The following NREP variants were observed in gnomAD, a reference collection of about 807,000 sequenced individuals.
The protein encoded by NREP is neuronal regeneration-related protein.
NREP carries 5 observed loss-of-function variants against 8.6 expected under a neutral mutation model. The observed-to-expected ratio is 0.58, with a 90% CI of 0.30 to 1.22. The LOEUF is 1.22. NREP is among the 50% of genes most tolerant of loss of function. The pLI is 0.07. For synonymous variants in NREP, 27 were observed against 28.0 expected, an observed-to-expected ratio of 0.96 and a Z score of 0.11; for missense variants, 86 against 82.5, an observed-to-expected ratio of 1.04 and a Z score of -0.17.
At chr5:111,729,237 G>A (rs529170375), downstream of NREP, 1 of 152,212 alleles carries the variant, frequency 6.6e-6, no homozygotes, top group Non-Finnish European at 1.5e-5. Context: ...GGAAACACAT[G>A]AATTAGCAAG....
intron 2 of NREP, among the ~76,000 whole-genome samples, chr5:111,964,854 G>GAAAAAAA: frequency 4.2e-5 from 1 of 23,904 alleles, no homozygotes; most frequent in East Asian, 2.1e-3. Flanking sequence ...GCTTTCAGCA[G>GAAAAAAA]CAAAAAAAAA....
chr5:111,781,941 T>C (rs1046344065), intron 2 of NREP, among the ~76,000 whole-genome samples: 1 of 152,200 alleles, frequency 6.6e-6, no homozygotes, highest in Non-Finnish European at 1.5e-5. Context: ...AACCATGTGA[T>C]TAAAAATTTA....
intron 2 of NREP, among the ~76,000 whole-genome samples, chr5:111,829,196 C>T (rs1752702866): frequency 6.6e-6 from 1 of 152,116 alleles, no homozygotes. Context: ...CCGTGTTCAA[C>T]TTGTGAAGGA....
At chr5:111,846,723 G>C (rs1225888661) in intron 2 of NREP, among the ~76,000 whole-genome samples, 1 of 151,922 alleles carries the variant, frequency 6.6e-6, no homozygotes, top group Non-Finnish European at 1.5e-5. Context: ...ACTATGCTCT[G>C]CATCTGTCTG....
intron 2 of NREP, among the ~76,000 whole-genome samples, chr5:111,790,993 T>C (rs1424752299): frequency 6.6e-6 from 1 of 152,182 alleles, no homozygotes; most frequent in Non-Finnish European, 1.5e-5. Context: ...TTGGAATATG[T>C]GCAGGGTGGG....
intron 2 of NREP, among the ~76,000 whole-genome samples, chr5:111,852,600 G>A (rs1250066964): frequency 6.6e-6 from 1 of 152,114 alleles, no homozygotes; most frequent in Non-Finnish European, 1.5e-5. Context: ...CGGGAGTCCT[G>A]GGTTTTAGTT....
At chr5:111,906,887 C>A (rs1457586763) in intron 2 of NREP, among the ~76,000 whole-genome samples, 3 of 151,766 alleles carry the variant, frequency 2.0e-5, no homozygotes, top group Non-Finnish European at 4.4e-5. Context: ...TTTAATAATT[C>A]TTTCTATAGT....
At chr5:111,753,283 C>T (rs891700003) in intron 2 of NREP, among the ~76,000 whole-genome samples, 4 of 149,826 alleles carry the variant, frequency 2.7e-5, no homozygotes, top group African/African-American at 9.8e-5. Context: ...GAGGCCCATA[C>T]ACAGAACACA....
chr5:111,921,556 G>A (rs1453626120), intron 2 of NREP, among the ~76,000 whole-genome samples: 1 of 152,206 alleles, frequency 6.6e-6, no homozygotes, highest in African/African-American at 2.4e-5. Context: ...TAGAGCAACT[G>A]CTGCCAAGGA....
intron 2 of NREP, among the ~76,000 whole-genome samples, chr5:111,868,812 T>C (rs1322006437): frequency 6.6e-6 from 1 of 151,834 alleles, no homozygotes; most frequent in Non-Finnish European, 1.5e-5. Context: ...GCAGACAAAT[T>C]TGAAGCATCA....
At chr5:111,892,523 TTA>T (rs1200585207) in intron 2 of NREP, among the ~76,000 whole-genome samples, 2 of 152,294 alleles carry the variant, frequency 1.3e-5, no homozygotes, top group Non-Finnish European at 2.9e-5. Context: ...TTCATTATGT[TTA>T]TATGTTACTT....
intron 2 of NREP, among the ~76,000 whole-genome samples, chr5:111,918,045 G>T (rs1300955289): frequency 1.3e-5 from 2 of 152,008 alleles, no homozygotes; most frequent in Non-Finnish European, 2.9e-5. Context: ...AAAATCACAG[G>T]CATTCCTAGA....
At chr5:111,856,088 C>T (rs1020893021) in intron 2 of NREP, among the ~76,000 whole-genome samples, 2 of 152,140 alleles carry the variant, frequency 1.3e-5, no homozygotes, top group South Asian at 4.2e-4. Flanking sequence ...TACTAGTACA[C>T]CTGCCACTGA....
chr5:111,774,177 A>T (rs1283559971), intron 2 of NREP, among the ~76,000 whole-genome samples: 5 of 148,472 alleles, frequency 3.4e-5, no homozygotes, highest in Middle Eastern at 3.4e-3. Flanking sequence ...ACTGTAGATG[A>T]GAGAGGGAAA....
intron 2 of NREP, among the ~76,000 whole-genome samples, chr5:111,927,145 G>C (rs1755411086): frequency 6.6e-6 from 1 of 152,080 alleles, no homozygotes; most frequent in Non-Finnish European, 1.5e-5. Flanking sequence ...ACCATCACCT[G>C]ATGGTCACCT....
At chr5:111,885,731 C>T (rs1282491424) in intron 2 of NREP, among the ~76,000 whole-genome samples, 2 of 152,154 alleles carry the variant, frequency 1.3e-5, no homozygotes, top group South Asian at 2.1e-4. Flanking sequence ...AAAGGATTCC[C>T]TATTTAATAA....
At position 111,730,524 on chromosome 5, in the gene NREP, A is replaced by T. The variant is rs969334664; in HGVS notation, c.*397T>A. Reference sequence around the variant, plus strand: ...ATAAACTACTAGGTTTGTTACATCTAAATGAAAAAAAAGGTGGGGGGGGGA... The same window carrying T: ...ATAAACTACTAGGTTTGTTACATCTTAATGAAAAAAAAGGTGGGGGGGGGA... On this transcript the variant is annotated 3_prime_UTR_variant, in exon 4 of 4. Coordinates refer to ENST00000257435, the MANE Select transcript of NREP (RefSeq NM_004772.4). 2 of 131,130 alleles carry T rather than the reference A, an allele frequency of 1.5e-5. No individual in the cohort carries two copies. The highest frequency in any genetic ancestry group is 6.8e-5 in the African/African-American group (2 of 29,432). The allele number at this position is 131,130 out of a possible 1,614,324, so 8.1% of individuals were successfully genotyped here. A position where few individuals can be genotyped will look rare whatever the true frequency, so the allele number is the denominator to read the frequency against.
At chr5:111,752,396 G>GTA (rs1432720517) in intron 2 of NREP, among the ~76,000 whole-genome samples, 1 of 152,086 alleles carries the variant, frequency 6.6e-6, no homozygotes, top group African/African-American at 2.4e-5. Flanking sequence ...GAAAAAGACA[G>GTA]TACCATATAA....
At chr5:111,953,313 T>C (rs985785421) in intron 2 of NREP, among the ~76,000 whole-genome samples, 1 of 152,128 alleles carries the variant, frequency 6.6e-6, no homozygotes, top group African/African-American at 2.4e-5. Flanking sequence ...AACATGGCAG[T>C]GGGCATGGGA....
Sources: allele counts gnomAD v4.1 joint callset (sites outside exome capture counted in the v4.1 genomes callset), GRCh38; gene constraint gnomAD v4.1.1; transcripts MANE v1.5; gene names NCBI Gene and HGNC (gene_info 2026-07-23, HGNC 2026-07-21).